KCNJ6: variants seen among roughly 807,000 people sequenced by gnomAD.
KCNJ6 encodes G protein-activated inward rectifier potassium channel 2.
Under a neutral mutation model 34.2 loss-of-function variants are expected in KCNJ6, and 9 were observed. That is an observed-to-expected ratio of 0.26 (90% CI 0.16 to 0.46). The LOEUF (loss-of-function observed/expected upper bound fraction) is 0.46. Ranked by LOEUF, KCNJ6 falls within the 20% of genes least tolerant of loss-of-function variation. The pLI is 1.00. For synonymous variants in KCNJ6, 196 were observed against 207.1 expected (o/e 0.95, Z 0.46); for missense variants, 236 against 531.3 (o/e 0.44, Z 5.46).
chr21:37,785,575 C>G (rs1370091606), intron 2 of KCNJ6, among the ~76,000 whole-genome samples: 1 of 152,222 alleles, frequency 6.6e-6, no homozygotes, highest in African/African-American at 2.4e-5. Context: ...GCACTATTAG[C>G]AAGTAATAGT....
intron 2 of KCNJ6, among the ~76,000 whole-genome samples, chr21:37,783,513 C>T (rs2123514716): frequency 6.6e-6 from 1 of 152,252 alleles, no homozygotes; most frequent in Admixed American, 6.5e-5. Flanking sequence ...CTAAGGCCTC[C>T]CCAGCCACAT....
chr21:37,814,624 C>T (rs967131955), intron 2 of KCNJ6, among the ~76,000 whole-genome samples: 13 of 152,122 alleles, frequency 8.5e-5, no homozygotes, highest in African/African-American at 1.7e-4. Context: ...ATCGGCCAAG[C>T]GTGGCAACTC....
intron 2 of KCNJ6, among the ~76,000 whole-genome samples, chr21:37,725,991 T>C (rs1036305786): frequency 7.2e-5 from 11 of 152,184 alleles, no homozygotes; most frequent in Non-Finnish European, 1.3e-4. Context: ...CTGCAACCTC[T>C]GCCTCCCGGG....
intron 2 of KCNJ6, among the ~76,000 whole-genome samples, chr21:37,751,214 CT>C (rs1403583414): frequency 6.6e-6 from 1 of 152,190 alleles, no homozygotes; most frequent in Non-Finnish European, 1.5e-5. Context: ...GCCTTTGCCC[CT>C]AATCTCATGA....
Position 37,816,351 on chromosome 21 carries a change from G to T in KCNJ6, c.25+24307C>A, listed in dbSNP as rs573233062. On this transcript the variant is annotated intron_variant, in intron 2 of 3. Coordinates refer to ENST00000609713, the MANE Select transcript of KCNJ6 (RefSeq NM_002240.5). ...GGAGAAGCTATTGCAAGGGCTTGGG[G>T]TTGCTTCTATGCTCTAGATATTGCC... Among the ~76,000 whole-genome samples, 6 of 152,304 alleles carry T rather than the reference G, an allele frequency of 3.9e-5. No individual in the cohort carries two copies. The East Asian group carries it at 1.2e-3, about 29-fold the overall frequency.
At chr21:37,772,168 C>T (rs936549033) in intron 2 of KCNJ6, among the ~76,000 whole-genome samples, 1 of 151,948 alleles carries the variant, frequency 6.6e-6, no homozygotes, top group African/African-American at 2.4e-5. Flanking sequence ...AAACAAAGAA[C>T]CAAAAATTAA....
intron 2 of KCNJ6, among the ~76,000 whole-genome samples, chr21:37,734,015 A>G (rs2054900074): frequency 6.6e-6 from 1 of 152,196 alleles, no homozygotes; most frequent in African/African-American, 2.4e-5. Context: ...GAATGAGAAG[A>G]TGTTCAGTCC....
intron 1 of KCNJ6, among the ~76,000 whole-genome samples, chr21:37,859,413 G>A (rs2055581161): frequency 6.8e-6 from 1 of 147,718 alleles, no homozygotes; most frequent in East Asian, 2.0e-4. Flanking sequence ...GGTTGTCTCT[G>A]GGATAGGAAA....
At chr21:37,663,184 C>T (rs977538508) in intron 3 of KCNJ6, among the ~76,000 whole-genome samples, 1 of 151,592 alleles carries the variant, frequency 6.6e-6, no homozygotes, top group Non-Finnish European at 1.5e-5. Flanking sequence ...TTTTAGTGGA[C>T]GATGATGGGT....
intron 2 of KCNJ6, among the ~76,000 whole-genome samples, chr21:37,742,916 TA>T (rs2054948279): frequency 6.6e-6 from 1 of 152,230 alleles, no homozygotes; most frequent in Non-Finnish European, 1.5e-5. Flanking sequence ...CAGGATTCTC[TA>T]AGGACTGTGC....
At chr21:37,777,379 C>T (rs2055147542) in intron 2 of KCNJ6, among the ~76,000 whole-genome samples, 1 of 152,102 alleles carries the variant, frequency 6.6e-6, no homozygotes, top group South Asian at 2.1e-4. Flanking sequence ...CAGTGGCCAG[C>T]CTCACTTTCC....
chr21:37,662,881 G>A (rs867421395), intron 3 of KCNJ6, among the ~76,000 whole-genome samples: 31 of 152,140 alleles, frequency 2.0e-4, no homozygotes, highest in Middle Eastern at 3.4e-3. Flanking sequence ...TTCTTTTCTC[G>A]TATGTTCATC....
At chr21:37,806,061 C>T (rs1350255915) in intron 2 of KCNJ6, among the ~76,000 whole-genome samples, 1 of 152,164 alleles carries the variant, frequency 6.6e-6, no homozygotes, top group Non-Finnish European at 1.5e-5. Context: ...ATCTGGCACA[C>T]GGAAGCCCAA....
chr21:37,635,607 C>T (rs1239582714), intron 3 of KCNJ6, among the ~76,000 whole-genome samples: 1 of 152,006 alleles, frequency 6.6e-6, no homozygotes, highest in Admixed American at 6.6e-5. Flanking sequence ...GCCTCAACCT[C>T]CCCAGGCTTA....
At chr21:37,643,735 C>T (rs972105733) in intron 3 of KCNJ6, among the ~76,000 whole-genome samples, 2 of 152,184 alleles carry the variant, frequency 1.3e-5, no homozygotes, top group African/African-American at 4.8e-5. Context: ...CCTCCCTTTG[C>T]CACACATTTG....
chr21:37,653,867 T>G (rs2054444988), intron 3 of KCNJ6, among the ~76,000 whole-genome samples: 1 of 152,154 alleles, frequency 6.6e-6, no homozygotes, highest in Non-Finnish European at 1.5e-5. Flanking sequence ...AGATGCATTC[T>G]TAGTTAGGGC....
At chr21:37,690,725 G>T (rs1244480200) in intron 3 of KCNJ6, among the ~76,000 whole-genome samples, 1 of 151,542 alleles carries the variant, frequency 6.6e-6, no homozygotes, top group Non-Finnish European at 1.5e-5. Context: ...ATAAATATTC[G>T]TACATCAAAG....
chr21:37,807,233 A>G (rs886540364), intron 2 of KCNJ6, among the ~76,000 whole-genome samples: 1 of 152,208 alleles, frequency 6.6e-6, no homozygotes, highest in African/African-American at 2.4e-5. Context: ...TGCAAAAATT[A>G]TTTTCATTAG....
intron 1 of KCNJ6, among the ~76,000 whole-genome samples, chr21:37,849,279 A>C (rs1275949334): frequency 6.6e-6 from 1 of 152,126 alleles, no homozygotes; most frequent in Non-Finnish European, 1.5e-5. Flanking sequence ...TGTTGGTCTC[A>C]TGACTCTCAA....
Sources: gnomAD v4.1 joint callset for allele counts (sites outside exome capture counted in the v4.1 genomes callset) on GRCh38, gnomAD v4.1.1 for gene constraint, MANE v1.5 for transcripts, NCBI Gene and HGNC (gene_info 2026-07-23, HGNC 2026-07-21) for gene names.